Variants in SUPT3H observed in about 807,000 individuals in gnomAD.
SUPT3H encodes SPT3 homolog, SAGA and STAGA complex component.
SUPT3H carries 44 observed loss-of-function variants against 44.3 expected under a neutral mutation model. The observed-to-expected ratio is 0.99, with a 90% CI of 0.78 to 1.28. The LOEUF is 1.28. SUPT3H is among the 50% of genes most tolerant of loss of function. The pLI is 0.00. For synonymous variants in SUPT3H, 124 were observed against 125.6 expected (o/e 0.99, Z 0.09); for missense variants, 380 against 387.1 (o/e 0.98, Z 0.15).
intron 2 of SUPT3H, among the ~76,000 whole-genome samples, chr6:45,262,260 A>C (rs943308780): frequency 1.3e-5 from 2 of 151,862 alleles, no homozygotes; most frequent in African/African-American, 4.8e-5. Context: ...GAGCCTAGAC[A>C]GCCAAAGCAA....
intron 3 of SUPT3H, among the ~76,000 whole-genome samples, chr6:45,084,205 A>T (rs924119041): frequency 1.3e-5 from 2 of 152,194 alleles, no homozygotes; most frequent in Non-Finnish European, 2.9e-5. Context: ...GTACGTTAGA[A>T]AACTTGCAGA....
chr6:45,221,327 C>T (rs1584338395), intron 2 of SUPT3H, among the ~76,000 whole-genome samples: 1 of 152,070 alleles, frequency 6.6e-6, no homozygotes, highest in Admixed American at 6.6e-5. Flanking sequence ...ATATGTAACA[C>T]ACCTGCACGT....
intron 6 of SUPT3H, among the ~76,000 whole-genome samples, chr6:44,966,613 C>T (rs1776815391): frequency 6.6e-6 from 1 of 152,004 alleles, no homozygotes; most frequent in Admixed American, 6.5e-5. Flanking sequence ...CTAAGGTATA[C>T]AAAGTTTCTC....
intron 10 of SUPT3H, among the ~76,000 whole-genome samples, chr6:44,868,354 T>C (rs374029978): frequency 8.5e-5 from 13 of 152,328 alleles, no homozygotes; most frequent in East Asian, 3.9e-4. Context: ...ACCAAGTTCA[T>C]GTTTTTCTTG....
chr6:45,058,490 T>C (rs570278499), intron 3 of SUPT3H, among the ~76,000 whole-genome samples: 11 of 152,250 alleles, frequency 7.2e-5, no homozygotes, highest in Admixed American at 2.0e-4. Context: ...GCAAAGTACT[T>C]AGTACAGTGT....
At chr6:44,977,384 G>T (rs1778477616) in intron 6 of SUPT3H, among the ~76,000 whole-genome samples, 1 of 152,128 alleles carries the variant, frequency 6.6e-6, no homozygotes, top group South Asian at 2.1e-4. Flanking sequence ...CAGGGAGAAA[G>T]ATAAGCTATT....
intron 3 of SUPT3H, among the ~76,000 whole-genome samples, chr6:45,088,349 T>C (rs17209608): frequency 0.034 from 5,192 of 152,130 alleles, 133 homozygotes; most frequent in Non-Finnish European, 0.052. Context: ...TCGAGCGCTC[T>C]TTCTGCCTCT....
chr6:45,229,779 A>C (rs1463248880), intron 2 of SUPT3H, among the ~76,000 whole-genome samples: 1 of 152,208 alleles, frequency 6.6e-6, no homozygotes, highest in Non-Finnish European at 1.5e-5. Flanking sequence ...GTAATGATCA[A>C]GTCAAGATAA....
At chr6:44,860,427 G>A (rs535220903) in intron 10 of SUPT3H, among the ~76,000 whole-genome samples, 37 of 152,160 alleles carry the variant, frequency 2.4e-4, no homozygotes, top group Non-Finnish European at 4.9e-4. Flanking sequence ...ACAGACTGTA[G>A]GAGCTCGAAT....
At position 44,922,165 on chromosome 6, in the gene SUPT3H, G is replaced by C. The variant is rs1037662581; in HGVS notation, c.912+10488C>G. On this transcript the variant is annotated intron_variant, in intron 10 of 10. Transcript: ENST00000371459. ...ATGCAGAGGCAGTATGTGGGGATGG[G>C]AGATTTGATCTGTGCATACATAGCC... is the stretch of plus-strand genomic sequence containing the variant. Among the ~76,000 whole-genome samples the C allele has an allele frequency of 5.3e-5, 8 of 151,054 alleles. No individual in the cohort carries two copies. The East Asian group carries it at 1.5e-3, about 29-fold the overall frequency.
intron 11 of SUPT3H, among the ~76,000 whole-genome samples, chr6:44,815,281 T>TA (rs1197428270): frequency 1.4e-4 from 21 of 152,220 alleles, no homozygotes; most frequent in African/African-American, 5.1e-4. Context: ...AAAAATAAGT[T>TA]AAAACCAAGA....
rs201141653 is a variant in SUPT3H at position 44,966,811 on chromosome 6, C to T, written c.505-4983G>A. Among the ~76,000 whole-genome samples the T allele has an allele frequency of 7.2e-5, 11 of 152,298 alleles. No individual in the cohort carries two copies. The East Asian group carries it at 2.1e-3, about 29-fold the overall frequency. ...ATCATTGTCAAAGGCACTGAAAACA[C>T]AAATCTCTGAAATAAAAGTCACTGA... On this transcript the variant is annotated intron_variant, in intron 6 of 10. Coordinates refer to ENST00000371459, the MANE Select transcript of SUPT3H (RefSeq NM_003599.4).
At chr6:45,344,654 A>G (rs1244665462) in intron 2 of SUPT3H, among the ~76,000 whole-genome samples, 1 of 152,156 alleles carries the variant, frequency 6.6e-6, no homozygotes, top group Non-Finnish European at 1.5e-5. Flanking sequence ...GGAATGTCAA[A>G]AGCATGTTAA....
At chr6:45,276,282 T>C (rs1456323044) in intron 2 of SUPT3H, among the ~76,000 whole-genome samples, 1 of 152,122 alleles carries the variant, frequency 6.6e-6, no homozygotes, top group Admixed American at 6.6e-5. Context: ...ATTAGTACCA[T>C]TTAACATTTC....
intron 3 of SUPT3H, among the ~76,000 whole-genome samples, chr6:45,077,932 A>C (rs201977283): frequency 6.6e-6 from 1 of 152,086 alleles, no homozygotes; most frequent in East Asian, 1.9e-4. Context: ...GGAATTGCTA[A>C]AAACAGAAAT....
intron 2 of SUPT3H, among the ~76,000 whole-genome samples, chr6:45,314,528 TC>T (rs1359054061): frequency 6.6e-6 from 1 of 151,968 alleles, no homozygotes; most frequent in Non-Finnish European, 1.5e-5. Flanking sequence ...AATAACTCAA[TC>T]CCTTTTACAA....
downstream of SUPT3H, among the ~76,000 whole-genome samples, chr6:44,823,123 T>TG (rs1767473649): frequency 7.0e-6 from 1 of 142,360 alleles, no homozygotes; most frequent in Non-Finnish European, 1.6e-5. Flanking sequence ...AAAAAAAAAA[T>TG]TTTTTTCTAC....
At chr6:45,140,577 C>T (rs1409398663) in intron 2 of SUPT3H, among the ~76,000 whole-genome samples, 1 of 152,180 alleles carries the variant, frequency 6.6e-6, no homozygotes, top group East Asian at 1.9e-4. Flanking sequence ...AACTTCATTG[C>T]TAGCATAATC....
In SUPT3H at chr6:44,870,637, G is replaced by A. The variant is rs550303994; in HGVS notation, c.913-40780C>T. Reference sequence around the variant, plus strand: ...AAAAGAAAGAAAAAGAAAAAGAAGGGGGAGGAGCCAAGATGGCCGAATAGG... The same window carrying A: ...AAAAGAAAGAAAAAGAAAAAGAAGGAGGAGGAGCCAAGATGGCCGAATAGG... On this transcript the variant is annotated intron_variant, in intron 10 of 10. Transcript: ENST00000371459. 2.4e-4 allele frequency among the ~76,000 whole-genome samples: 36 copies of A among 151,762 alleles called. 1 individual carries two copies. In the South Asian group the frequency reaches 7.1e-3, roughly 30 times the overall value.
Sources: gnomAD v4.1 joint callset for allele counts (sites outside exome capture counted in the v4.1 genomes callset) on GRCh38, gnomAD v4.1.1 for gene constraint, MANE v1.5 for transcripts, NCBI Gene and HGNC (gene_info 2026-07-23, HGNC 2026-07-21) for gene names.